TMEM175: variants seen among roughly 807,000 people sequenced by gnomAD.
TMEM175 encodes the protein endosomal/lysosomal proton channel TMEM175.
Under a neutral mutation model 36.5 loss-of-function variants are expected in TMEM175, and 36 were observed. The observed-to-expected ratio is 0.99, with a 90% CI of 0.76 to 1.30. The LOEUF (loss-of-function observed/expected upper bound fraction) is 1.30. Ranked by LOEUF, TMEM175 falls within the 50% of genes most tolerant of loss-of-function variation. The pLI is 0.00. For missense variants in TMEM175, 705 were observed against 692.8 expected (o/e 1.02, Z -0.20); for synonymous variants, 339 against 313.4 (o/e 1.08, Z -0.86).
intron 7 of TMEM175, among the ~76,000 whole-genome samples, 191 bp from the exon 8 acceptor site, chr4:952,999 A>G (rs975190875): frequency 2.0e-5 from 3 of 151,654 alleles, no homozygotes; most frequent in African/African-American, 7.3e-5. Flanking sequence ...TGTCCCAGGT[A>G]CAAGCCCACC....
intron 10 of TMEM175, 139 bp downstream of exon 10, chr4:956,029 G>A: frequency 8.9e-7 from 1 of 1,123,242 alleles, no homozygotes; most frequent in Non-Finnish European, 1.3e-6. Context: ...TTTGTGTGAG[G>A]TCAGGGCAGC....
chr4:953,177 G>A lies in TMEM175; in HGVS notation c.463-13G>A. On this transcript the variant is annotated splice_polypyrimidine_tract_variant and intron_variant, in intron 7 of 10. Coordinates refer to ENST00000264771, the MANE Select transcript of TMEM175 (RefSeq NM_032326.4). ...TCTTGGGGCCTGTGTCCTACAGCTT[G>A]CTTTTCCCGCAGGCACTGATTGTGG... 1 of 1,596,230 alleles carries A rather than the reference G, an allele frequency of 6.3e-7. No homozygotes were observed. The highest frequency in any genetic ancestry group is 8.6e-7 in the Non-Finnish European group (1 of 1,169,240).
chr4:955,963 G>T (rs1729569610), intron 10 of TMEM175, 73 bp downstream of exon 10: 2 of 1,557,896 alleles, frequency 1.3e-6, no homozygotes, highest in Admixed American at 1.7e-5. Flanking sequence ...TCTCATCCTG[G>T]AAACCCCAGA....
At position 947,284 on chromosome 4, in the gene TMEM175, A is replaced by T. The variant is rs927840976; in HGVS notation, c.-31-425A>T. Among the ~76,000 whole-genome samples the T allele has an allele frequency of 1.5e-4, 23 of 148,552 alleles. No homozygotes were observed. In the East Asian group the frequency reaches 2.6e-3, roughly 17 times the overall value. ...GGGAGAGCGCGGCCCTGTAGAGAAC[A>T]GACAGCCCCAGGCACGTGTGCACGG... On this transcript the variant is annotated intron_variant, in intron 1 of 10. Coordinates refer to ENST00000264771, the MANE Select transcript of TMEM175 (RefSeq NM_032326.4).
At chr4:952,632 G>GC (rs1424871769) in intron 7 of TMEM175, among the ~76,000 whole-genome samples, 182 bp downstream of exon 7, 2 of 47,890 alleles carry the variant, frequency 4.2e-5, no homozygotes, top group East Asian at 1.0e-3. Flanking sequence ...CCTGTGCTGT[G>GC]TGTGTGTGTG....
intron 7 of TMEM175, among the ~76,000 whole-genome samples, chr4:952,753 G>C (rs1445718844): frequency 6.8e-6 from 1 of 147,902 alleles, no homozygotes; most frequent in Non-Finnish European, 1.5e-5. Flanking sequence ...CCGGGGCCCT[G>C]TGCTGTGTGT....
chr4:952,558 C>T, intron 7 of TMEM175, 108 bp downstream of exon 7: 1 of 1,033,182 alleles, frequency 9.7e-7, no homozygotes, highest in Non-Finnish European at 1.4e-6. Flanking sequence ...CCCAGGGGGC[C>T]TGCACTGTGT....
chr4:949,501 G>A (rs1344370306), intron 3 of TMEM175, among the ~76,000 whole-genome samples: 1 of 152,204 alleles, frequency 6.6e-6, no homozygotes, highest in Admixed American at 6.5e-5. Context: ...GGGGACTCCT[G>A]GGGCTGTGCT....
rs142678768 is a variant in TMEM175 at position 947,799 on chromosome 4, C to A, written c.60C>A (p.Gly20=). The A allele has an allele frequency of 6.6e-4, 1,057 of 1,613,092 alleles. No individual in the cohort carries two copies. The highest frequency in any genetic ancestry group is 8.1e-4 in the Non-Finnish European group (956 of 1,179,956). The change falls in exon 2 of 11, where the codon GGC becomes GGA. Residue 20 remains glycine, a synonymous_variant. Coordinates refer to ENST00000264771, the MANE Select transcript of TMEM175 (RefSeq NM_032326.4). The part of the protein sequence containing the change: ...ALDTPGDCPP[G]RRDEDAGEGI... ...ATACACCGGGGGACTGCCCCCCAGG[C>A]AGGAGAGACGAGGACGCTGGGGAGG...
intron 1 of TMEM175, among the ~76,000 whole-genome samples, chr4:943,666 G>C (rs1404877296): frequency 6.6e-6 from 1 of 152,282 alleles, no homozygotes. Flanking sequence ...ATTGTCGGGT[G>C]GTTTCTCAGG....
intron 1 of TMEM175, among the ~76,000 whole-genome samples, chr4:942,308 G>A (rs545124992): frequency 5.9e-5 from 9 of 152,120 alleles, no homozygotes; most frequent in Admixed American, 2.6e-4. Context: ...CTTGTGATCC[G>A]CCTTCCTCAG....
At chr4:936,054 T>C (rs1235177182) in intron 1 of TMEM175, among the ~76,000 whole-genome samples, 1 of 152,178 alleles carries the variant, frequency 6.6e-6, no homozygotes, top group Non-Finnish European at 1.5e-5. Flanking sequence ...AATCACCTTA[T>C]GAAACTAGAA....
intron 9 of TMEM175, 71 bp downstream of exon 9, chr4:955,554 T>C: frequency 6.6e-7 from 1 of 1,513,854 alleles, no homozygotes; most frequent in Admixed American, 1.7e-5. Context: ...TGCTCCGCAC[T>C]GAGGGCTGTC....
At chr4:956,237 G>A in intron 10 of TMEM175, 1 of 1,133,286 alleles carries the variant, frequency 8.8e-7, no homozygotes, top group Non-Finnish European at 1.1e-6. Flanking sequence ...CCTCACCCCT[G>A]CCCCAACACC....
chr4:952,333 T>A (rs139293884), intron 6 of TMEM175, 34 bp from the exon 7 acceptor site: 4 of 1,587,052 alleles, frequency 2.5e-6, no homozygotes, highest in Middle Eastern at 1.7e-4. Flanking sequence ...AACCTAGGAT[T>A]TGGGGGGGTT....
intron 3 of TMEM175, chr4:948,666 G>T: frequency 8.2e-7 from 1 of 1,216,998 alleles, no homozygotes; most frequent in Non-Finnish European, 1.0e-6. Flanking sequence ...CTGTTTCTGA[G>T]CTAAAGAGCC....
chr4:950,655 G>T, intron 4 of TMEM175, 137 bp downstream of exon 4: 1 of 694,048 alleles, frequency 1.4e-6, no homozygotes, highest in Non-Finnish European at 2.5e-6. Flanking sequence ...GGGGATGGCA[G>T]GACTTACCCC....
At chr4:933,819 C>T (rs1267289989) in intron 1 of TMEM175, among the ~76,000 whole-genome samples, 2 of 152,150 alleles carry the variant, frequency 1.3e-5, no homozygotes, top group African/African-American at 4.8e-5. Flanking sequence ...AGCCTCAGCT[C>T]GTTGGAACAC....
intron 6 of TMEM175, 188 bp downstream of exon 6, chr4:951,905 G>T: frequency 1.5e-6 from 1 of 650,870 alleles, no homozygotes; most frequent in Admixed American, 2.8e-5. Context: ...GGGGAGGGGA[G>T]GCAGTGGCCC....
Sources: gnomAD v4.1 joint callset for allele counts (sites outside exome capture counted in the v4.1 genomes callset) on GRCh38, gnomAD v4.1.1 for gene constraint, MANE v1.5 for transcripts, NCBI Gene and HGNC (gene_info 2026-07-23, HGNC 2026-07-21) for gene names.